Variants in GMDS observed in about 807,000 individuals in gnomAD.
GMDS encodes the protein GDP-mannose 4,6 dehydratase.
A neutral mutation model predicts 49.9 loss-of-function variants in GMDS; 20 were observed. The ratio of observed to expected loss-of-function variants is 0.40; its 90% confidence interval spans 0.28 to 0.58. GMDS has a LOEUF of 0.58. GMDS is among the 20% of genes least tolerant of loss of function. GMDS has a pLI of 0.42. For missense variants in GMDS, 362 were observed against 481.4 expected (o/e 0.75, Z 2.32); for synonymous variants, 177 against 178.6 (o/e 0.99, Z 0.07).
chr6:1,744,153 T>C (rs529570268), intron 7 of GMDS, among the ~76,000 whole-genome samples: 82 of 152,338 alleles, frequency 5.4e-4, no homozygotes, highest in African/African-American at 1.8e-3. Context: ...TTAAAATAAT[T>C]TCTCTTTTAC....
At chr6:2,002,880 G>T (rs1766915050) in intron 4 of GMDS, among the ~76,000 whole-genome samples, 1 of 152,088 alleles carries the variant, frequency 6.6e-6, no homozygotes, top group African/African-American at 2.4e-5. Flanking sequence ...TTAAAATCAT[G>T]CCAGAAATAT....
chr6:2,222,373 C>T (rs1780631814), intron 1 of GMDS, among the ~76,000 whole-genome samples: 2 of 152,204 alleles, frequency 1.3e-5, no homozygotes, highest in South Asian at 4.1e-4. Flanking sequence ...AAAACCTCTG[C>T]TTTCTCCCTC....
At chr6:1,953,606 C>T (rs1763473253) in intron 6 of GMDS, among the ~76,000 whole-genome samples, 1 of 152,062 alleles carries the variant, frequency 6.6e-6, no homozygotes, top group East Asian at 1.9e-4. Flanking sequence ...CATAATTAGC[C>T]CCAACTGGTT....
chr6:1,942,498 T>C (rs1220006490), intron 6 of GMDS, among the ~76,000 whole-genome samples: 3 of 152,208 alleles, frequency 2.0e-5, no homozygotes, highest in Non-Finnish European at 4.4e-5. Context: ...CACTGGCTAC[T>C]GGGACTGGTT....
intron 1 of GMDS, among the ~76,000 whole-genome samples, chr6:2,219,569 TA>T (rs931645545): frequency 4.0e-5 from 6 of 151,292 alleles, no homozygotes; most frequent in Admixed American, 6.6e-5. Flanking sequence ...GGTGAGTTAC[TA>T]AAAAAAAATG....
chr6:2,235,981 G>A (rs1325861996), intron 1 of GMDS, among the ~76,000 whole-genome samples: 1 of 152,140 alleles, frequency 6.6e-6, no homozygotes, highest in East Asian at 1.9e-4. Flanking sequence ...GCTTTTATTG[G>A]CTACTATCTT....
intron 9 of GMDS, among the ~76,000 whole-genome samples, chr6:1,719,887 G>A (rs867613627): frequency 2.6e-5 from 4 of 152,230 alleles, no homozygotes; most frequent in Middle Eastern, 3.4e-3. Context: ...TTTTGTAGAC[G>A]TCAATAAGTC....
At chr6:1,734,780 G>A (rs942806453) in intron 8 of GMDS, among the ~76,000 whole-genome samples, 2 of 152,252 alleles carry the variant, frequency 1.3e-5, no homozygotes, top group Non-Finnish European at 2.9e-5. Flanking sequence ...TCCCTAGGAA[G>A]TCAGACTAGG....
At chr6:1,995,969 A>C (rs973460686) in intron 4 of GMDS, among the ~76,000 whole-genome samples, 2 of 152,164 alleles carry the variant, frequency 1.3e-5, no homozygotes, top group African/African-American at 4.8e-5. Flanking sequence ...CTGAAGTTGG[A>C]TCTGCAAAAG....
rs1301608246 is a variant in GMDS at position 1,858,915 on chromosome 6, AG to A, written c.771+71187del. 2.0e-5 allele frequency among the ~76,000 whole-genome samples: 3 copies of A among 152,096 alleles called. No homozygotes were observed. In the East Asian group the frequency reaches 5.8e-4, roughly 29 times the overall value. The stretch of plus-strand genomic sequence containing the variant: ...TTTAAGGTCATCTATAAGCCTTGGC[AG>A]GGTACATTAAAGGAGAAATGGCCGT... On this transcript the variant is annotated intron_variant, in intron 7 of 10. Transcript: ENST00000380815.
intron 6 of GMDS, among the ~76,000 whole-genome samples, chr6:1,953,228 A>G (rs1183921164): frequency 6.6e-6 from 1 of 152,158 alleles, no homozygotes; most frequent in African/African-American, 2.4e-5. Context: ...GACCCTAGGA[A>G]GTCTCACAGA....
chr6:1,994,858 A>G (rs914720047), intron 4 of GMDS, among the ~76,000 whole-genome samples: 3 of 152,212 alleles, frequency 2.0e-5, no homozygotes, highest in Non-Finnish European at 4.4e-5. Context: ...TCCTACTTAA[A>G]AAAGTCATAT....
intron 4 of GMDS, among the ~76,000 whole-genome samples, chr6:2,015,973 C>T (rs1357920621): frequency 1.3e-5 from 2 of 150,022 alleles, no homozygotes; most frequent in African/African-American, 4.9e-5. Flanking sequence ...TGTAGCAGCA[C>T]AGGTCTGTAA....
chr6:1,792,881 G>C (rs1012978432), intron 7 of GMDS, among the ~76,000 whole-genome samples: 7 of 152,052 alleles, frequency 4.6e-5, no homozygotes, highest in Admixed American at 2.0e-4. Flanking sequence ...ATTTGGTGTG[G>C]GTCTTTGTTC....
chr6:1,688,688 T>C (rs1765068920), intron 9 of GMDS, among the ~76,000 whole-genome samples: 1 of 152,230 alleles, frequency 6.6e-6, no homozygotes, highest in South Asian at 2.1e-4. Flanking sequence ...ATGTTAAACG[T>C]ATTTCTGTAA....
intron 9 of GMDS, among the ~76,000 whole-genome samples, chr6:1,684,521 C>T (rs369793620): frequency 1.3e-5 from 2 of 152,130 alleles, no homozygotes; most frequent in Non-Finnish European, 2.9e-5. Flanking sequence ...TGAAAAGGAA[C>T]GAACAGACAC....
rs1762746437 is a variant in GMDS at position 1,940,032 on chromosome 6, C to T, written c.644-9802G>A. On this transcript the variant is annotated intron_variant, in intron 6 of 10. Transcript: ENST00000380815. Reference sequence around the variant, plus strand: ...TGATGCCGTAGACGTAAGGAAGAAACCCTACAGGAGGTTCACTAAGTCCTA... The same window carrying T: ...TGATGCCGTAGACGTAAGGAAGAAATCCTACAGGAGGTTCACTAAGTCCTA... Among the ~76,000 whole-genome samples the T allele has an allele frequency of 2.0e-5, 3 of 152,100 alleles. No individual in the cohort carries two copies. In the South Asian group the frequency reaches 6.2e-4, roughly 32 times the overall value.
At chr6:1,877,642 A>AT (rs1323964215) in intron 7 of GMDS, among the ~76,000 whole-genome samples, 2,775 of 127,208 alleles carry the variant, frequency 0.022, 74 homozygotes, top group African/African-American at 0.079. Flanking sequence ...CATCTCAAAA[A>AT]TTAAAAAAAA....
intron 4 of GMDS, among the ~76,000 whole-genome samples, chr6:1,976,667 AATG>A (rs1764921097): frequency 6.6e-6 from 1 of 152,234 alleles, no homozygotes; most frequent in Non-Finnish European, 1.5e-5. Flanking sequence ...GGAAAAAATT[AATG>A]ATAATAGTAT....
Sources: gnomAD v4.1 joint callset for allele counts (sites outside exome capture counted in the v4.1 genomes callset) on GRCh38, gnomAD v4.1.1 for gene constraint, MANE v1.5 for transcripts, NCBI Gene and HGNC (gene_info 2026-07-23, HGNC 2026-07-21) for gene names.